Variants in FAF1 observed in about 807,000 individuals in gnomAD.
FAF1 encodes Fas associated factor 1.
FAF1 carries 25 observed loss-of-function variants against 92.5 expected under a neutral mutation model. The observed-to-expected ratio is 0.27, with a 90% CI of 0.20 to 0.38. The LOEUF (loss-of-function observed/expected upper bound fraction) is 0.38. Among genes scored for constraint, FAF1 ranks in the 10% least tolerant of loss-of-function variants. The pLI is 1.00. For synonymous variants in FAF1, 234 were observed against 273.2 expected (o/e 0.86, Z 1.42); for missense variants, 636 against 793.3 (o/e 0.80, Z 2.38).
chr1:50,792,256 A>G (rs544376738), intron 3 of FAF1, among the ~76,000 whole-genome samples: 2 of 152,368 alleles, frequency 1.3e-5, no homozygotes, highest in East Asian at 3.9e-4. Context: ...AGCCTTTTTA[A>G]AAGTTTCTTA....
intron 7 of FAF1, among the ~76,000 whole-genome samples, chr1:50,662,066 C>T (rs908261898): frequency 6.6e-6 from 1 of 152,102 alleles, no homozygotes; most frequent in African/African-American, 2.4e-5. Flanking sequence ...CAGGGCTGGC[C>T]TGTGTTGGAG....
intron 17 of FAF1, among the ~76,000 whole-genome samples, chr1:50,482,756 A>C (rs1447721452): frequency 6.6e-6 from 1 of 152,104 alleles, no homozygotes; most frequent in African/African-American, 2.4e-5. Context: ...AACGGCTAAA[A>C]ATTTTGAGCA....
intron 1 of FAF1, among the ~76,000 whole-genome samples, chr1:50,897,628 C>T (rs1644767693): frequency 6.6e-6 from 1 of 152,150 alleles, no homozygotes. Flanking sequence ...ATAAAGTCGA[C>T]CTAAAAACAT....
At chr1:50,827,911 T>C (rs1315497579) in intron 2 of FAF1, among the ~76,000 whole-genome samples, 1 of 152,170 alleles carries the variant, frequency 6.6e-6, no homozygotes, top group Admixed American at 6.5e-5. Flanking sequence ...GACTTTATAC[T>C]GTAAATATGT....
intron 6 of FAF1, chr1:50,714,890 A>G: frequency 3.5e-6 from 1 of 284,358 alleles, no homozygotes; most frequent in South Asian, 3.6e-5. Flanking sequence ...AAGAAACCAT[A>G]GCATTGAGTG....
At chr1:50,759,365 T>C (rs1358589886) in intron 4 of FAF1, among the ~76,000 whole-genome samples, 2 of 139,996 alleles carry the variant, frequency 1.4e-5, no homozygotes, top group Non-Finnish European at 1.5e-5. Context: ...AGTGTTCTCA[T>C]TGTTCAATTC....
intron 3 of FAF1, among the ~76,000 whole-genome samples, chr1:50,790,237 G>A (rs1661513337): frequency 6.6e-6 from 1 of 152,100 alleles, no homozygotes; most frequent in African/African-American, 2.4e-5. Flanking sequence ...CACCTCCTGG[G>A]TTCAAGTGAT....
In FAF1 at chr1:50,728,717, G is replaced by A. The variant is rs1024968919; in HGVS notation, c.551+10146C>T. Among the ~76,000 whole-genome samples the A allele has an allele frequency of 3.5e-4, 53 of 151,650 alleles. 1 individual carries two copies. Among genetic ancestry groups the A allele is most frequent in the African/African-American group, 1.3e-3 (53 of 41,260 alleles). ...GAGGCAGGAAAATCGCTTGAACCCA[G>A]GAAGCGGAGGTTGGAATGAGCCGAG... On this transcript the variant is annotated intron_variant, in intron 6 of 18. Coordinates refer to ENST00000396153, the MANE Select transcript of FAF1 (RefSeq NM_007051.3).
chr1:50,751,718 A>G (rs1659876941), intron 4 of FAF1, among the ~76,000 whole-genome samples: 1 of 152,150 alleles, frequency 6.6e-6, no homozygotes, highest in African/African-American at 2.4e-5. Context: ...ACATTTTATT[A>G]TATTTTACTG....
intron 1 of FAF1, among the ~76,000 whole-genome samples, chr1:50,906,468 GCA>G (rs1644839880): frequency 6.6e-6 from 1 of 152,106 alleles, no homozygotes; most frequent in African/African-American, 2.4e-5. Context: ...ATTATCTTGG[GCA>G]GTATGGCCAT....
At chr1:50,520,721 G>T (rs375674050) in intron 15 of FAF1, among the ~76,000 whole-genome samples, 1 of 152,054 alleles carries the variant, frequency 6.6e-6, no homozygotes, top group African/African-American at 2.4e-5. Context: ...GGTGGTGCAC[G>T]CCTGTAGTCC....
At chr1:50,534,993 T>C (rs1041278708) in intron 15 of FAF1, among the ~76,000 whole-genome samples, 5 of 152,126 alleles carry the variant, frequency 3.3e-5, no homozygotes, top group Admixed American at 2.6e-4. Context: ...TGCTAATTAA[T>C]CTCAATATTT....
At chr1:50,908,550 G>A (rs1007214960) in intron 1 of FAF1, among the ~76,000 whole-genome samples, 35 of 152,120 alleles carry the variant, frequency 2.3e-4, no homozygotes, top group Non-Finnish European at 4.0e-4. Flanking sequence ...ATGAATCTAG[G>A]TGCTCCTGTA....
intron 1 of FAF1, among the ~76,000 whole-genome samples, chr1:50,889,877 AGGTCCGCT>A (rs1307558980): frequency 2.0e-5 from 3 of 152,224 alleles, no homozygotes; most frequent in African/African-American, 7.2e-5. Flanking sequence ...GATGTCTATT[AGGTCCGCT>A]TGATGCAGAG....
chr1:50,905,605 T>C (rs1047722118), intron 1 of FAF1, among the ~76,000 whole-genome samples: 1 of 152,216 alleles, frequency 6.6e-6, no homozygotes, highest in Non-Finnish European at 1.5e-5. Flanking sequence ...CTGATTGTGG[T>C]TTTAATTTGC....
chr1:50,826,423 A>G (rs1213260613), intron 2 of FAF1, among the ~76,000 whole-genome samples: 1 of 151,942 alleles, frequency 6.6e-6, no homozygotes, highest in Non-Finnish European at 1.5e-5. Flanking sequence ...AGTGGCACAC[A>G]CCTGTCATCC....
chr1:50,574,112 C>A (rs1005105509), intron 12 of FAF1, among the ~76,000 whole-genome samples: 2 of 151,958 alleles, frequency 1.3e-5, no homozygotes, highest in Non-Finnish European at 1.5e-5. Flanking sequence ...GGCAACGGGG[C>A]GAGACTCTGT....
intron 8 of FAF1, among the ~76,000 whole-genome samples, chr1:50,623,946 A>G (rs1557441330): frequency 6.6e-6 from 1 of 152,170 alleles, no homozygotes; most frequent in East Asian, 1.9e-4. Flanking sequence ...TCAAAAAAAA[A>G]CAAAGAAAGA....
At chr1:50,509,681 ACATTCATCTTCCAGC>A (rs1647108488) in intron 15 of FAF1, among the ~76,000 whole-genome samples, 1 of 152,100 alleles carries the variant, frequency 6.6e-6, no homozygotes, top group South Asian at 2.1e-4. Flanking sequence ...TAGGACCAGG[ACATTCATCTTCCAGC>A]CAAATGACTT....
Sources: gnomAD v4.1 joint callset for allele counts (sites outside exome capture counted in the v4.1 genomes callset) on GRCh38, gnomAD v4.1.1 for gene constraint, MANE v1.5 for transcripts, NCBI Gene and HGNC (gene_info 2026-07-23, HGNC 2026-07-21) for gene names.